HIP1: variants seen among roughly 807,000 people sequenced by gnomAD.
HIP1 encodes huntingtin-interacting protein 1.
HIP1 carries 65 observed loss-of-function variants against 147.6 expected under a neutral mutation model. That is an observed-to-expected ratio of 0.44 (90% CI 0.36 to 0.54). The LOEUF (loss-of-function observed/expected upper bound fraction) is 0.54. HIP1 is among the 20% of genes least tolerant of loss of function. HIP1 has a pLI of 0.00. For missense variants in HIP1, 1,061 were observed against 1,299.6 expected (o/e 0.82, Z 2.82); for synonymous variants, 479 against 504.0 (o/e 0.95, Z 0.67).
chr7:75,603,074 C>A (rs807870), intron 1 of HIP1, among the ~76,000 whole-genome samples: 41,541 of 147,898 alleles, frequency 0.28, 6,193 homozygotes, highest in African/African-American at 0.4. Context: ...CGGCCGGGCG[C>A]AGTGACTCAC....
In HIP1 at chr7:75,579,912, C is replaced by T. The variant is rs146141042; in HGVS notation, c.604+1325G>A. On this transcript the variant is annotated intron_variant, in intron 7 of 30. Coordinates refer to ENST00000336926, the MANE Select transcript of HIP1 (RefSeq NM_005338.7). Reference sequence around the variant, plus strand: ...TCAGAGTTGGATGCTTGTCATGGAACGCCCTGAGTCTCAGAACGCTGGTGC... The same window carrying T: ...TCAGAGTTGGATGCTTGTCATGGAATGCCCTGAGTCTCAGAACGCTGGTGC... 1.1e-3 allele frequency among the ~76,000 whole-genome samples: 160 copies of T among 152,264 alleles called. 3 individuals are homozygous for T. Among genetic ancestry groups the T allele is most frequent in the Non-Finnish European group, 1.6e-3 (110 of 68,024 alleles).
Position 75,738,789 on chromosome 7 carries a change from C to T in HIP1, c.120+12G>A. On this transcript the variant is annotated intron_variant, in intron 1 of 30. Transcript: ENST00000336926. ...GGTGCCCCAGGGATGCCCCGGGGTCCCCCGTCCTCACCTGAGTCCGCTCGA... is the reference window on the plus strand; with the variant it reads ...GGTGCCCCAGGGATGCCCCGGGGTCTCCCGTCCTCACCTGAGTCCGCTCGA... 6.2e-7 allele frequency: 1 copy of T among 1,600,374 alleles called. No individual in the cohort carries two copies.
intron 1 of HIP1, among the ~76,000 whole-genome samples, chr7:75,702,489 C>T (rs963113462): frequency 2.0e-5 from 3 of 152,218 alleles, no homozygotes; most frequent in African/African-American, 7.2e-5. Flanking sequence ...AGTGATCCAC[C>T]TGCCTTGGCC....
chr7:75,717,676 C>CAA (rs55982331), intron 1 of HIP1, among the ~76,000 whole-genome samples: 3 of 117,740 alleles, frequency 2.5e-5, no homozygotes, highest in Admixed American at 9.1e-5. Flanking sequence ...ACTAAAAATA[C>CAA]AAAAAAAAAA....
chr7:75,581,326 A>G, intron 6 of HIP1, 28 bp from the exon 7 acceptor site: 2 of 1,587,670 alleles, frequency 1.3e-6, no homozygotes, highest in East Asian at 2.2e-5. Context: ...GAGAGCTTAC[A>G]CTCCACAGCC....
chr7:75,538,870 G>A (rs587614822), intron 30 of HIP1, among the ~76,000 whole-genome samples: 8 of 152,120 alleles, frequency 5.3e-5, no homozygotes, highest in African/African-American at 1.7e-4. Flanking sequence ...CACCACGCCC[G>A]GCCTAGCACC....
At chr7:75,729,555 G>T (rs1801767641) in intron 1 of HIP1, among the ~76,000 whole-genome samples, 1 of 152,036 alleles carries the variant, frequency 6.6e-6, no homozygotes, top group African/African-American at 2.4e-5. Context: ...GGAGGCTGAG[G>T]TGGGCAGATC....
In HIP1 at chr7:75,558,214, C is replaced by G; in HGVS notation, c.1417G>C (p.Glu473Gln). The G allele has an allele frequency of 1.9e-6, 3 of 1,614,206 alleles. No homozygotes were observed. The highest frequency in any genetic ancestry group is 2.5e-6 in the Non-Finnish European group (3 of 1,180,028). Residue 473 changes from glutamate to glutamine, a missense_variant, in exon 15 of 31, where the codon GAG (glutamate) becomes CAG (glutamine). This residue lies in a region of HIP1 where 810 missense variants were observed against 946.8 expected (regional missense o/e 0.86). Transcript: ENST00000336926. ...ANEQRYSKLK[E>Q]KYSELVQNHA... Reference sequence around the variant, plus strand: ...TTCTGAACCAGCTCGCTGTACTTCTCCTTTAGCTTGCTATATCGCTGTTCA... The same window carrying G: ...TTCTGAACCAGCTCGCTGTACTTCTGCTTTAGCTTGCTATATCGCTGTTCA...
intron 1 of HIP1, among the ~76,000 whole-genome samples, chr7:75,718,103 C>T (rs983157449): frequency 2.0e-5 from 3 of 151,564 alleles, no homozygotes; most frequent in Admixed American, 1.3e-4. Context: ...GACAACATAG[C>T]GAGACCCCAT....
chr7:75,629,389 C>A (rs2117119929), intron 1 of HIP1, among the ~76,000 whole-genome samples: 1 of 152,322 alleles, frequency 6.6e-6, no homozygotes, highest in East Asian at 1.9e-4. Flanking sequence ...CCGCTCCTAA[C>A]AAACCTACTC....
rs587746321 is a variant in HIP1 at position 75,620,568 on chromosome 7, C to G, written c.121-21321G>C. 9.2e-5 allele frequency among the ~76,000 whole-genome samples: 14 copies of G among 151,970 alleles called. No homozygotes were observed. In the East Asian group the frequency reaches 2.1e-3, roughly 23 times the overall value. On this transcript the variant is annotated intron_variant, in intron 1 of 30. Transcript: ENST00000336926. ...AGGGGTGGTGGTGCATGCCTGTAGT[C>G]CCAGCTACTCGGGAAGCTGAGGAAC... is the stretch of plus-strand genomic sequence containing the variant.
intron 20 of HIP1, 57 bp from the exon 21 acceptor site, chr7:75,554,277 C>G: frequency 6.9e-7 from 1 of 1,442,710 alleles, no homozygotes; most frequent in Non-Finnish European, 9.7e-7. Flanking sequence ...CACTTTCATA[C>G]CCTCTCCTCC....
chr7:75,734,885 C>T (rs1032171288), intron 1 of HIP1, among the ~76,000 whole-genome samples: 1 of 152,212 alleles, frequency 6.6e-6, no homozygotes, highest in East Asian at 1.9e-4. Flanking sequence ...GGAGGGCTCC[C>T]AACCCCAAAG....
chr7:75,592,206 A>G (rs1400129147), intron 3 of HIP1, 94 bp from the exon 4 acceptor site: 3 of 1,400,590 alleles, frequency 2.1e-6, no homozygotes, highest in Non-Finnish European at 3.0e-6. Flanking sequence ...AACCTAGGGC[A>G]GGGGGACAGG....
At chr7:75,664,162 A>G (rs1799451376) in intron 1 of HIP1, among the ~76,000 whole-genome samples, 1 of 70,794 alleles carries the variant, frequency 1.4e-5, no homozygotes, top group Admixed American at 1.2e-4. Flanking sequence ...ATGTGTGTAT[A>G]TTTACATACA....
chr7:75,660,044 T>G lies in HIP1; in HGVS notation c.121-60797A>C, dbSNP rs868956662. The stretch of plus-strand genomic sequence containing the variant: ...GGGAGGCTGAGGCGGAAGAATCGCG[T>G]GAACCGGAGAAGCGGAGGTTGCACT... On this transcript the variant is annotated intron_variant, in intron 1 of 30. Coordinates refer to ENST00000336926, the MANE Select transcript of HIP1 (RefSeq NM_005338.7). Among the ~76,000 whole-genome samples, 24 of 151,254 alleles carry G rather than the reference T, an allele frequency of 1.6e-4. 1 individual carries two copies. Among genetic ancestry groups the G allele is most frequent in the African/African-American group, 5.6e-4 (23 of 41,194 alleles).
chr7:75,541,568 C>T (rs587705754), intron 29 of HIP1, among the ~76,000 whole-genome samples: 5 of 150,750 alleles, frequency 3.3e-5, no homozygotes, highest in East Asian at 1.9e-4. Context: ...TGGTGACGCA[C>T]GTCTGTAATC....
intron 1 of HIP1, among the ~76,000 whole-genome samples, chr7:75,708,851 T>G (rs781928189): frequency 6.6e-6 from 1 of 152,130 alleles, no homozygotes; most frequent in African/African-American, 2.4e-5. Context: ...TCCCTTGAGA[T>G]TCCATATTAA....
intron 1 of HIP1, among the ~76,000 whole-genome samples, chr7:75,655,243 T>C (rs1799110419): frequency 6.6e-6 from 1 of 152,074 alleles, no homozygotes; most frequent in African/African-American, 2.4e-5. Flanking sequence ...TGATACATAA[T>C]GCACTGCGGC....
Sources: allele counts gnomAD v4.1 joint callset (sites outside exome capture counted in the v4.1 genomes callset), GRCh38; gene constraint gnomAD v4.1.1; regional missense constraint gnomAD v4.1.1; transcripts MANE v1.5; gene names NCBI Gene and HGNC (gene_info 2026-07-23, HGNC 2026-07-21).